EMILIN2: variants seen among roughly 807,000 people sequenced by gnomAD.
EMILIN2 encodes the protein elastin microfibril interfacer 2, also known as EMILIN-2.
Under a neutral mutation model 87.1 loss-of-function variants are expected in EMILIN2, and 71 were observed. That is an observed-to-expected ratio of 0.82 (90% CI 0.67 to 0.99). The LOEUF (loss-of-function observed/expected upper bound fraction) is 0.99. EMILIN2 is among the 50% of genes least tolerant of loss of function. EMILIN2 has a pLI of 0.00. For missense variants in EMILIN2, 1,407 were observed against 1,371.8 expected (o/e 1.03, Z -0.40); for synonymous variants, 581 against 563.4 (o/e 1.03, Z -0.44).
In EMILIN2 at chr18:2,906,806, G is replaced by C; in HGVS notation, c.2383G>C (p.Ala795Pro). 7.7e-7 allele frequency: 1 copy of C among 1,298,248 alleles called. No homozygotes were observed. The highest frequency in any genetic ancestry group is 2.4e-5 in the South Asian group (1 of 41,198). 80.4% of individuals were successfully genotyped at this position (1,298,248 alleles called of 1,614,324 possible). Residue 795 changes from alanine (A) to proline (P), a missense_variant, in exon 5 of 8, where the codon GCA becomes CCA. Ala to Pro is a conservative substitution (Grantham distance 27, BLOSUM62 -1). Coordinates refer to ENST00000254528, the MANE Select transcript of EMILIN2 (RefSeq NM_032048.3). ...SAKAPSPPPPAEAPKEPLQPE... is the reference protein window; with the variant it reads ...SAKAPSPPPPPEAPKEPLQPE... ...AGAGGCGCCCTCGCCCCCGCCGCCC[G>C]CAGAGGCCCCGAAGGAGCCGCTGCA... is the stretch of plus-strand genomic sequence containing the variant.
At chr18:2,889,395 T>C (rs1009772979) in intron 3 of EMILIN2, among the ~76,000 whole-genome samples, 8 of 151,998 alleles carry the variant, frequency 5.3e-5, no homozygotes, top group African/African-American at 9.7e-5. Flanking sequence ...ACCTCAGCCT[T>C]CCAAAGTGCT....
intron 2 of EMILIN2, among the ~76,000 whole-genome samples, chr18:2,881,081 G>T (rs575609000): frequency 1.3e-5 from 2 of 152,240 alleles, no homozygotes; most frequent in African/African-American, 4.8e-5. Flanking sequence ...ACCCCTTTCT[G>T]CTGGGAAAAT....
At position 2,890,932 on chromosome 18, in the gene EMILIN2, G is replaced by T; in HGVS notation, c.805G>T (p.Val269Phe). ...MKDIKSELAEVKDTLKNKSDK... is the reference protein window; with the variant it reads ...MKDIKSELAEFKDTLKNKSDK... The stretch of plus-strand genomic sequence containing the variant: ...GGACATCAAGTCTGAATTGGCTGAA[G>T]TCAAAGATACTCTAAAGAACAAAAG... The change falls in exon 4 of 8, where the codon GTC becomes TTC. Residue 269 changes from valine (V) to phenylalanine (F), a missense_variant. Val to Phe is a conservative substitution (Grantham distance 50, BLOSUM62 -1). Coordinates refer to ENST00000254528, the MANE Select transcript of EMILIN2 (RefSeq NM_032048.3). The surrounding 1 kb of genome is among the most constrained non-coding windows in gnomAD (Gnocchi z 4.7). 6.2e-7 allele frequency: 1 copy of T among 1,614,096 alleles called. No individual in the cohort carries two copies. Among genetic ancestry groups the T allele is most frequent in the Non-Finnish European group, 8.5e-7 (1 of 1,180,042 alleles).
At chr18:2,893,483 AC>A (rs1192363403) in intron 4 of EMILIN2, among the ~76,000 whole-genome samples, 2 of 152,208 alleles carry the variant, frequency 1.3e-5, no homozygotes, top group Non-Finnish European at 2.9e-5. Context: ...AATGCTGGCT[AC>A]ACCTTAGGCA....
chr18:2,908,840 G>C lies in EMILIN2; in HGVS notation c.2663-103G>C, dbSNP rs566884351. ...CTATGTCTGTTTCTATAGTAGTGAA[G>C]ACTCGATTTGAACTTGTGAGGAGCA... On this transcript the variant is annotated intron_variant, in intron 5 of 7. Coordinates refer to ENST00000254528, the MANE Select transcript of EMILIN2 (RefSeq NM_032048.3). The C allele has an allele frequency of 3.6e-5, 49 of 1,362,218 alleles. No individual in the cohort carries two copies. In the African/African-American group the frequency reaches 5.9e-4, roughly 16 times the overall value. 84.4% of individuals were successfully genotyped at this position (1,362,218 alleles called of 1,614,324 possible).
intron 2 of EMILIN2, among the ~76,000 whole-genome samples, chr18:2,865,036 C>T (rs574015347): frequency 1.3e-4 from 20 of 152,052 alleles, no homozygotes; most frequent in African/African-American, 4.1e-4. Flanking sequence ...GCATTCGTCA[C>T]GTAGTTCTTG....
chr18:2,885,279 G>T, intron 3 of EMILIN2, 140 bp downstream of exon 3: 1 of 917,284 alleles, frequency 1.1e-6, no homozygotes, highest in Non-Finnish European at 1.5e-6. Flanking sequence ...GTAGCCACAT[G>T]TGACAAATTT....
chr18:2,865,699 C>T (rs1307968223), intron 2 of EMILIN2, among the ~76,000 whole-genome samples: 1 of 152,194 alleles, frequency 6.6e-6, no homozygotes, highest in Non-Finnish European at 1.5e-5. Flanking sequence ...CTCAGATCTC[C>T]AGCTGTGTGC....
At chr18:2,884,111 A>C (rs1168619052) in intron 2 of EMILIN2, among the ~76,000 whole-genome samples, 2 of 151,944 alleles carry the variant, frequency 1.3e-5, no homozygotes, top group African/African-American at 4.8e-5. Flanking sequence ...GCACGCCATC[A>C]CGCCCGGCTA....
At chr18:2,850,784 A>G (rs550752684) in intron 2 of EMILIN2, among the ~76,000 whole-genome samples, 1 of 152,062 alleles carries the variant, frequency 6.6e-6, no homozygotes, top group African/African-American at 2.4e-5. Context: ...AGGCCTTGAC[A>G]TGGTTGAGCA....
intron 4 of EMILIN2, among the ~76,000 whole-genome samples, chr18:2,897,469 C>T (rs1355293660): frequency 6.6e-6 from 1 of 152,220 alleles, no homozygotes. Context: ...GTGAAGGGCC[C>T]TGGTGGCTCC....
intron 2 of EMILIN2, among the ~76,000 whole-genome samples, chr18:2,883,160 C>G (rs1488750702): frequency 6.6e-6 from 1 of 152,082 alleles, no homozygotes; most frequent in Non-Finnish European, 1.5e-5. Context: ...TGCAGGGTGC[C>G]TAGCCAGTCC....
chr18:2,907,352 G>A (rs2144071544), intron 5 of EMILIN2, among the ~76,000 whole-genome samples: 1 of 152,334 alleles, frequency 6.6e-6, no homozygotes, highest in South Asian at 2.1e-4. Flanking sequence ...TGCCACACGG[G>A]CAGCTCATTG....
At chr18:2,906,348 G>C (rs1176224262) in intron 4 of EMILIN2, 1 of 154,480 alleles carries the variant, frequency 6.5e-6, no homozygotes, top group East Asian at 1.9e-4. Context: ...CCCCGGCAGG[G>C]TCCCTCGGCA....
intron 2 of EMILIN2, among the ~76,000 whole-genome samples, chr18:2,860,028 G>T (rs1426559827): frequency 6.6e-6 from 1 of 152,026 alleles, no homozygotes; most frequent in Non-Finnish European, 1.5e-5. Context: ...TGTTCTTTTT[G>T]CTTAGTTTTG....
Position 2,892,090 on chromosome 18 carries a change from A to T in EMILIN2, c.1963A>T (p.Thr655Ser). The stretch of plus-strand genomic sequence containing the variant: ...GGGTGAGCAAGAAAGGACAGTGGAC[A>T]CCCTGCCGTCCCCCCAGCACCCCGT... ...KVGEQERTVD[T>S]LPSPQHPVAH... Residue 655 changes from threonine to serine, a missense_variant, in exon 4 of 8, where the codon ACC becomes TCC. Coordinates refer to ENST00000254528, the MANE Select transcript of EMILIN2 (RefSeq NM_032048.3). 1.2e-6 allele frequency: 2 copies of T among 1,613,982 alleles called. No individual in the cohort carries two copies. Among genetic ancestry groups the T allele is most frequent in the Non-Finnish European group, 1.7e-6 (2 of 1,179,870 alleles).
chr18:2,847,725 C>A lies in EMILIN2; in HGVS notation c.135-84C>A. The A allele has an allele frequency of 6.5e-7, 1 of 1,534,152 alleles. No individual in the cohort carries two copies. On this transcript the variant is annotated intron_variant, in intron 1 of 7. Transcript: ENST00000254528. This position sits in a 1 kb window ranked among gnomAD's most constrained non-coding sequence, Gnocchi z 4.5. Reference sequence around the variant, plus strand: ...CGGGCCCCCCCGACCCTCGCTCGGTCTGGTGCCGCAGTCCCCTCTCCCCTG... The same window carrying A: ...CGGGCCCCCCCGACCCTCGCTCGGTATGGTGCCGCAGTCCCCTCTCCCCTG...
intron 2 of EMILIN2, among the ~76,000 whole-genome samples, chr18:2,882,883 C>CA (rs35511550): frequency 7.1e-4 from 104 of 146,742 alleles, no homozygotes; most frequent in East Asian, 2.9e-3. Flanking sequence ...AACATCATCT[C>CA]AAAAAAAAAA....
chr18:2,912,787 G>A (rs996323651), intron 7 of EMILIN2, among the ~76,000 whole-genome samples: 4 of 152,290 alleles, frequency 2.6e-5, no homozygotes, highest in South Asian at 2.1e-4. Flanking sequence ...GCCAAGCTTT[G>A]AGGCTGACTT....
Sources: allele counts gnomAD v4.1 joint callset (sites outside exome capture counted in the v4.1 genomes callset), GRCh38; gene constraint gnomAD v4.1.1; non-coding constraint Gnocchi (gnomAD v3.1); transcripts MANE v1.5; gene names NCBI Gene and HGNC (gene_info 2026-07-23, HGNC 2026-07-21).